The following PRKDC variants were observed in gnomAD, a reference collection of about 807,000 sequenced individuals.
PRKDC encodes DNA-dependent protein kinase catalytic subunit.
A neutral mutation model predicts 486.9 loss-of-function variants in PRKDC; 82 were observed. That is an observed-to-expected ratio of 0.17 (90% CI 0.14 to 0.20). PRKDC has a LOEUF of 0.20. Ranked by LOEUF, PRKDC falls within the 10% of genes least tolerant of loss-of-function variation. PRKDC has a pLI of 1.00. For synonymous variants in PRKDC, 1,895 were observed against 1,837.0 expected (o/e 1.03, Z -0.81); for missense variants, 4,504 against 5,038.2 (o/e 0.89, Z 3.21).
chr8:47,816,820 T>TA lies in PRKDC; in HGVS notation c.9557+629dup, dbSNP rs78066737. Among the ~76,000 whole-genome samples, 563 of 140,202 alleles carry TA rather than the reference T, an allele frequency of 4.0e-3. 1 individual carries two copies. The highest frequency in any genetic ancestry group is 8.5e-3 in the South Asian group (38 of 4,446). 92.0% of individuals were successfully genotyped at this position (140,202 alleles called of 152,430 possible). ...AGAACTCATCTCAAAATAAAAAGTTTAAAAAAAAAAAAAAAGTAGTAGTGG... is the reference window on the plus strand; with the variant it reads ...AGAACTCATCTCAAAATAAAAAGTTTAAAAAAAAAAAAAAAAGTAGTAGTGG... On this transcript the variant is annotated intron_variant, in intron 68 of 85. Coordinates refer to ENST00000314191, the MANE Select transcript of PRKDC (RefSeq NM_006904.7).
Position 47,898,491 on chromosome 8 carries a change from G to C in PRKDC, c.3443C>G (p.Ala1148Gly), listed in dbSNP as rs1421813164. 1 of 1,558,790 alleles carries C rather than the reference G, an allele frequency of 6.4e-7. No individual in the cohort carries two copies. The highest frequency in any genetic ancestry group is 1.9e-5 in the Admixed American group (1 of 53,194). Reference sequence around the variant, plus strand: ...CTACCGCGGCAAACGTCGTTTCTTTGCTTTATTTAAAGAAACATGCTTCTT... The same window carrying C: ...CTACCGCGGCAAACGTCGTTTCTTTCCTTTATTTAAAGAAACATGCTTCTT... ...IEKKHVSLNK[A>G]KKRRLPRGFP... Residue 1148 changes from alanine to glycine, a missense_variant, in exon 29 of 86, where the codon GCA becomes GGA. By Grantham distance (60) the Ala-to-Gly change is moderately conservative (BLOSUM62 0). This residue lies in a region of PRKDC where 1,969 missense variants were observed against 2,068.9 expected (regional missense o/e 0.95). Transcript: ENST00000314191.
At chr8:47,934,409 C>A (rs2090311429) in intron 14 of PRKDC, among the ~76,000 whole-genome samples, 1 of 152,132 alleles carries the variant, frequency 6.6e-6, no homozygotes, top group African/African-American at 2.4e-5. Context: ...GTGGCGGTCG[C>A]CTGTAATACC....
In PRKDC at chr8:47,878,342, T is replaced by A. The variant is rs866873441; in HGVS notation, c.5236-491A>T. Among the ~76,000 whole-genome samples, 649 of 152,298 alleles carry A rather than the reference T, an allele frequency of 4.3e-3. 3 individuals carry two copies. The highest frequency in any genetic ancestry group is 0.014 in the African/African-American group (602 of 41,572). ...GGATGGTCTCGATCTCCTGACCTGG[T>A]GATCTGCCCTCCTCGGCCACCCAAA... On this transcript the variant is annotated intron_variant, in intron 39 of 85. Transcript: ENST00000314191.
intron 59 of PRKDC, 57 bp downstream of exon 59, chr8:47,834,139 G>C (rs543281716): frequency 1.9e-6 from 3 of 1,586,152 alleles, no homozygotes; most frequent in African/African-American, 2.7e-5. Flanking sequence ...CCAGACCTGA[G>C]CTCTGCAGTA....
In PRKDC at chr8:47,887,711, A is replaced by T; in HGVS notation, c.4414-6T>A. The T allele has an allele frequency of 6.2e-7, 1 of 1,601,156 alleles. No homozygotes were observed. The highest frequency in any genetic ancestry group is 8.5e-7 in the Non-Finnish European group (1 of 1,174,636). ...GAATGATGCAAATCTGTGGACTAAA[A>T]GGAAGCCAACACTGAAATGCCTAGC... is the stretch of plus-strand genomic sequence containing the variant. On this transcript the variant is annotated splice_region_variant and splice_polypyrimidine_tract_variant and intron_variant, in intron 34 of 85. Transcript: ENST00000314191.
At chr8:47,843,676 C>A (rs1020159372) in intron 54 of PRKDC, among the ~76,000 whole-genome samples, 1 of 152,112 alleles carries the variant, frequency 6.6e-6, no homozygotes, top group Non-Finnish European at 1.5e-5. Context: ...TGAGAGAACC[C>A]CATCAGGCTA....
intron 68 of PRKDC, among the ~76,000 whole-genome samples, chr8:47,812,146 T>C (rs2087342888): frequency 6.6e-6 from 1 of 152,222 alleles, no homozygotes. Flanking sequence ...TACGTAAAAA[T>C]ACACAGAAGT....
chr8:47,863,613 A>G (rs1294059250), intron 41 of PRKDC, 36 bp from the exon 42 acceptor site: 1 of 1,514,378 alleles, frequency 6.6e-7, no homozygotes, highest in Non-Finnish European at 9.1e-7. Flanking sequence ...CTTTGGTCTT[A>G]TTAAACATGA....
Position 47,887,531 on chromosome 8 carries a change from G to A in PRKDC, c.4572+16C>T, listed in dbSNP as rs1258254076. 1.3e-6 allele frequency: 2 copies of A among 1,561,110 alleles called. No individual in the cohort carries two copies. Among genetic ancestry groups the A allele is most frequent in the Non-Finnish European group, 1.7e-6 (2 of 1,153,548 alleles). Reference sequence around the variant, plus strand: ...TATTATTAGGGGAGTGCAGCATGCAGAGGCGTTTTTCCTACCAGTCCTCCA... The same window carrying A: ...TATTATTAGGGGAGTGCAGCATGCAAAGGCGTTTTTCCTACCAGTCCTCCA... On this transcript the variant is annotated intron_variant, in intron 35 of 85. Coordinates refer to ENST00000314191, the MANE Select transcript of PRKDC (RefSeq NM_006904.7).
intron 19 of PRKDC, among the ~76,000 whole-genome samples, chr8:47,928,640 T>C (rs911045836): frequency 3.3e-5 from 5 of 151,642 alleles, no homozygotes; most frequent in Admixed American, 6.6e-5. Flanking sequence ...GCAACCTCCA[T>C]CTCCCGGGTT....
chr8:47,819,074 T>C (rs974340865), intron 67 of PRKDC, among the ~76,000 whole-genome samples: 2 of 152,138 alleles, frequency 1.3e-5, no homozygotes, highest in Non-Finnish European at 2.9e-5. Flanking sequence ...AGGACCCTCC[T>C]CCAGGAGTCC....
intron 21 of PRKDC, 87 bp from the exon 22 acceptor site, chr8:47,918,470 T>G: frequency 2.9e-6 from 2 of 692,962 alleles, no homozygotes; most frequent in Non-Finnish European, 4.3e-6. Flanking sequence ...TATTGTCAAA[T>G]AGAAACATTA....
chr8:47,911,325 T>C (rs1421170910), intron 25 of PRKDC, among the ~76,000 whole-genome samples: 1 of 152,206 alleles, frequency 6.6e-6, no homozygotes, highest in East Asian at 1.9e-4. Flanking sequence ...CAAGGGAGTG[T>C]CAGTGCTTCA....
chr8:47,805,768 C>T (rs538546534), intron 69 of PRKDC, among the ~76,000 whole-genome samples: 3 of 152,226 alleles, frequency 2.0e-5, no homozygotes, highest in South Asian at 2.1e-4. Context: ...CCATTTCAAC[C>T]GCCCAGGCTA....
At chr8:47,943,904 TCAC>T in intron 8 of PRKDC, 21 bp from the exon 9 acceptor site, 1 of 1,584,364 alleles carries the variant, frequency 6.3e-7, no homozygotes, top group East Asian at 2.3e-5. Flanking sequence ...AAAGAAAAAT[TCAC>T]CATCAGTATT....
At chr8:47,857,824 T>C (rs1411899245) in intron 48 of PRKDC, among the ~76,000 whole-genome samples, 1 of 152,152 alleles carries the variant, frequency 6.6e-6, no homozygotes, top group African/African-American at 2.4e-5. Flanking sequence ...CTGCCCAGAA[T>C]GACCTTCTAC....
chr8:47,912,419 A>G lies in PRKDC; in HGVS notation c.2925T>C (p.Asp975=). The stretch of plus-strand genomic sequence containing the variant: ...GATTCAAAGCCCTTACCTGATCAAC[A>G]TCACACGCAAGTCGAAGCAGCACAG... ...TFPVLLRLAC[D]VDQVTRQLYE... The change falls in exon 25 of 86, where the codon GAT becomes GAC. Residue 975 remains aspartate, a synonymous_variant. Coordinates refer to ENST00000314191, the MANE Select transcript of PRKDC (RefSeq NM_006904.7). The G allele has an allele frequency of 6.3e-7, 1 of 1,587,244 alleles. No homozygotes were observed.
At chr8:47,785,070 G>A (rs1589693618) in intron 77 of PRKDC, 43 bp downstream of exon 77, 1 of 1,561,018 alleles carries the variant, frequency 6.4e-7, no homozygotes, top group Non-Finnish European at 8.8e-7. Flanking sequence ...ACAGTGCTGT[G>A]CTCCTGACAG....
chr8:47,905,079 T>C (rs1198615685), intron 25 of PRKDC, 103 bp from the exon 26 acceptor site: 5 of 799,712 alleles, frequency 6.3e-6, no homozygotes, highest in African/African-American at 1.7e-5. Flanking sequence ...AATTAAGTAA[T>C]ACTACTACCA....
Sources: allele counts gnomAD v4.1 joint callset (sites outside exome capture counted in the v4.1 genomes callset), GRCh38; gene constraint gnomAD v4.1.1; regional missense constraint gnomAD v4.1.1; transcripts MANE v1.5; gene names NCBI Gene and HGNC (gene_info 2026-07-23, HGNC 2026-07-21).